CPNE4: variants seen among roughly 807,000 people sequenced by gnomAD.
CPNE4 encodes the protein copine 4.
CPNE4 carries 25 observed loss-of-function variants against 67.9 expected under a neutral mutation model. The observed-to-expected ratio is 0.37, with a 90% CI of 0.27 to 0.51. The LOEUF (loss-of-function observed/expected upper bound fraction) is 0.51. Ranked by LOEUF, CPNE4 falls within the 20% of genes least tolerant of loss-of-function variation. The pLI is 0.93. For synonymous variants in CPNE4, 242 were observed against 244.9 expected, an observed-to-expected ratio of 0.99 and a Z score of 0.11; for missense variants, 464 against 690.8, an observed-to-expected ratio of 0.67 and a Z score of 3.68.
intron 3 of CPNE4, among the ~76,000 whole-genome samples, chr3:131,711,949 C>T (rs950140400): frequency 6.6e-6 from 1 of 152,140 alleles, no homozygotes; most frequent in Admixed American, 6.5e-5. Flanking sequence ...ATTAGCCCAG[C>T]CAACTCTCCT....
chr3:131,900,327 A>G (rs2088503100), intron 2 of CPNE4, among the ~76,000 whole-genome samples: 1 of 152,106 alleles, frequency 6.6e-6, no homozygotes, highest in African/African-American at 2.4e-5. Flanking sequence ...GCTTGTATCC[A>G]AAGACAGGCA....
chr3:131,770,847 A>C (rs188058149), intron 2 of CPNE4, among the ~76,000 whole-genome samples: 278 of 152,304 alleles, frequency 1.8e-3, no homozygotes, highest in Admixed American at 0.015. Flanking sequence ...CCTGAATCTA[A>C]ACTTCTAAAG....
At chr3:131,689,382 T>A (rs1335865414) in intron 5 of CPNE4, among the ~76,000 whole-genome samples, 1 of 152,114 alleles carries the variant, frequency 6.6e-6, no homozygotes, top group Non-Finnish European at 1.5e-5. Context: ...CAAAATTTAA[T>A]CTATTACAAT....
At chr3:131,564,681 T>C (rs950382302) in intron 10 of CPNE4, among the ~76,000 whole-genome samples, 7 of 151,974 alleles carry the variant, frequency 4.6e-5, no homozygotes, top group African/African-American at 1.7e-4. Flanking sequence ...TGCCCTCCAA[T>C]TTCACAGTTC....
At chr3:131,557,940 C>A (rs142050313) in intron 11 of CPNE4, among the ~76,000 whole-genome samples, 78 of 152,046 alleles carry the variant, frequency 5.1e-4, no homozygotes, top group Non-Finnish European at 8.7e-4. Flanking sequence ...TGGGAGTCTC[C>A]ACACCCTTAT....
intron 1 of CPNE4, among the ~76,000 whole-genome samples, chr3:132,020,120 C>CTG (rs58740247): frequency 0.97 from 146,907 of 152,190 alleles, 71,112 homozygotes; most frequent in African/African-American, 0.99. Context: ...AAAAAGTGAC[C>CTG]CGTCCTGCAC....
intron 1 of CPNE4, among the ~76,000 whole-genome samples, chr3:131,935,299 A>AAAATG (rs1453334915): frequency 1.3e-5 from 2 of 152,176 alleles, no homozygotes; most frequent in African/African-American, 4.8e-5. Context: ...GGATAGAATA[A>AAAATG]AAATGAAACA....
At chr3:131,889,190 C>A (rs1373749708) in intron 2 of CPNE4, among the ~76,000 whole-genome samples, 1 of 152,304 alleles carries the variant, frequency 6.6e-6, no homozygotes, top group Non-Finnish European at 1.5e-5. Flanking sequence ...TTGTTACCTT[C>A]ATTTTACTAA....
intron 1 of CPNE4, among the ~76,000 whole-genome samples, chr3:131,954,831 T>C (rs950545751): frequency 1.3e-5 from 2 of 152,196 alleles, no homozygotes; most frequent in Non-Finnish European, 2.9e-5. Flanking sequence ...GAACTCATCA[T>C]TTTTTATGGC....
intron 11 of CPNE4, among the ~76,000 whole-genome samples, chr3:131,561,217 G>A (rs1936742628): frequency 6.6e-6 from 1 of 151,942 alleles, no homozygotes. Context: ...AACATTTCAG[G>A]TTTTCAGAGA....
intron 2 of CPNE4, among the ~76,000 whole-genome samples, chr3:131,737,349 T>C (rs193135107): frequency 6.6e-6 from 1 of 151,946 alleles, no homozygotes; most frequent in East Asian, 1.9e-4. Flanking sequence ...GTCTCGAGTG[T>C]CGTGTCTCTT....
At chr3:131,967,907 C>T (rs1216352878) in intron 1 of CPNE4, among the ~76,000 whole-genome samples, 1 of 152,050 alleles carries the variant, frequency 6.6e-6, no homozygotes, top group Non-Finnish European at 1.5e-5. Context: ...CAAGACAATC[C>T]AAAGCAAAAA....
rs896004371 is a variant in CPNE4, at chr3:131,635,869, C to T, written c.681+33806G>A. ...GGCCGAGGCGGGCGGATCACGAGGTCAGGAGATCGAGACCATCCCGGCTAA... is the reference window on the plus strand; with the variant it reads ...GGCCGAGGCGGGCGGATCACGAGGTTAGGAGATCGAGACCATCCCGGCTAA... On this transcript the variant is annotated intron_variant, in intron 7 of 15. Coordinates refer to ENST00000429747, the MANE Select transcript of CPNE4 (RefSeq NM_130808.3). 2.1e-4 allele frequency among the ~76,000 whole-genome samples: 18 copies of T among 84,346 alleles called. 3 individuals carry two copies. Among genetic ancestry groups the T allele is most frequent in the African/African-American group, 3.3e-4 (2 of 6,014 alleles). 55.3% of individuals were successfully genotyped at this position (84,346 alleles called of 152,430 possible). A position where few individuals can be genotyped will look rare whatever the true frequency, so the allele number is the denominator to read the frequency against.
chr3:131,722,442 T>TCC (rs2081910318), intron 3 of CPNE4, among the ~76,000 whole-genome samples: 1 of 121,052 alleles, frequency 8.3e-6, no homozygotes, highest in African/African-American at 2.8e-5. Flanking sequence ...TCCCACCCCA[T>TCC]ACCCCCCCAC....
At chr3:131,811,187 A>G (rs2084511901) in intron 2 of CPNE4, among the ~76,000 whole-genome samples, 1 of 152,094 alleles carries the variant, frequency 6.6e-6, no homozygotes, top group Non-Finnish European at 1.5e-5. Context: ...GAGTGTTCTT[A>G]CCACACACAT....
intron 8 of CPNE4, among the ~76,000 whole-genome samples, chr3:131,584,216 C>G (rs1938029298): frequency 6.6e-6 from 1 of 152,112 alleles, no homozygotes; most frequent in Non-Finnish European, 1.5e-5. Flanking sequence ...AGTCCCCTCT[C>G]CCTAGGTGTA....
chr3:131,816,336 T>C (rs898851632), intron 2 of CPNE4, among the ~76,000 whole-genome samples: 10 of 152,204 alleles, frequency 6.6e-5, no homozygotes, highest in African/African-American at 2.2e-4. Flanking sequence ...ATATCTTCTT[T>C]TTATTGTTGT....
intron 1 of CPNE4, among the ~76,000 whole-genome samples, chr3:131,966,904 A>G (rs2072366915): frequency 6.6e-6 from 1 of 152,130 alleles, no homozygotes; most frequent in Non-Finnish European, 1.5e-5. Flanking sequence ...TGATACCAAA[A>G]TCTGGCAGAG....
At chr3:131,920,628 A>C (rs930430192) in intron 1 of CPNE4, among the ~76,000 whole-genome samples, 4 of 151,748 alleles carry the variant, frequency 2.6e-5, no homozygotes, top group Non-Finnish European at 5.9e-5. Flanking sequence ...CATTTTAAAT[A>C]CAAAAAAAAA....
Sources: allele counts gnomAD v4.1 joint callset (sites outside exome capture counted in the v4.1 genomes callset), GRCh38; gene constraint gnomAD v4.1.1; transcripts MANE v1.5; gene names NCBI Gene and HGNC (gene_info 2026-07-23, HGNC 2026-07-21).